VAPA: variants seen among roughly 807,000 people sequenced by gnomAD.
VAPA encodes the protein VAMP associated protein A, also known as vesicle-associated membrane protein-associated protein A.
VAPA carries 6 observed loss-of-function variants against 25.6 expected under a neutral mutation model. That is an observed-to-expected ratio of 0.23 (90% CI 0.13 to 0.46). The LOEUF (loss-of-function observed/expected upper bound fraction) is 0.46. Among genes scored for constraint, VAPA ranks in the 20% least tolerant of loss-of-function variants. The pLI is 0.99. For missense variants in VAPA, 244 were observed against 302.1 expected (o/e 0.81, Z 1.43); for synonymous variants, 112 against 106.2 (o/e 1.05, Z -0.34).
At chr18:9,947,848 T>C (rs987530809) in intron 4 of VAPA, 1 of 152,186 alleles carries the variant, frequency 6.6e-6, no homozygotes, top group African/African-American at 2.4e-5. Flanking sequence ...TGTCACTCCA[T>C]GCATGACTCA....
chr18:9,916,802 A>G (rs1172866239), intron 1 of VAPA, among the ~76,000 whole-genome samples: 2 of 152,222 alleles, frequency 1.3e-5, no homozygotes, highest in Non-Finnish European at 2.9e-5. Flanking sequence ...TTTAGAAGAC[A>G]GTTTTGCAAA....
chr18:9,940,254 G>A (rs1428077752), intron 4 of VAPA, among the ~76,000 whole-genome samples: 1 of 152,086 alleles, frequency 6.6e-6, no homozygotes, highest in Non-Finnish European at 1.5e-5. Context: ...TGCCTGGTAA[G>A]GAGACTTTTT....
At chr18:9,949,623 A>G (rs972434232) in intron 4 of VAPA, 1 of 152,230 alleles carries the variant, frequency 6.6e-6, no homozygotes, top group African/African-American at 2.4e-5. Flanking sequence ...AATTAAAATG[A>G]AAAAAGCTTG....
rs1270589415 is a variant in VAPA, at chr18:9,945,375, T to TTG, written c.418-5019_418-5018insGT. Reference sequence around the variant, plus strand: ...CTTTTTTTTTTTTTTTTTTTTTTTTTTTTGAGATGGAGTCTCGCTCTGTCA... The same window carrying TTG: ...CTTTTTTTTTTTTTTTTTTTTTTTTTTGTTTGAGATGGAGTCTCGCTCTGTCA... On this transcript the variant is annotated intron_variant, in intron 4 of 5. Coordinates refer to ENST00000400000, the MANE Select transcript of VAPA (RefSeq NM_194434.3). Among the ~76,000 whole-genome samples the TTG allele has an allele frequency of 5.7e-5, 8 of 141,394 alleles. No homozygotes were observed. The East Asian group carries it at 1.6e-3, about 28-fold the overall frequency. The allele number at this position is 141,394 out of a possible 152,430, so 92.8% of individuals were successfully genotyped here.
At chr18:9,924,961 A>G (rs1232750634) in intron 1 of VAPA, 1 of 152,130 alleles carries the variant, frequency 6.6e-6, no homozygotes, top group Non-Finnish European at 1.5e-5. Context: ...AGGCTGCCAA[A>G]AGAATGGAAA....
chr18:9,954,069 T>C lies in VAPA; in HGVS notation c.608T>C (p.Leu203Pro), dbSNP rs773854854. 3.7e-6 allele frequency: 6 copies of C among 1,613,848 alleles called. No homozygotes were observed. The highest frequency in any genetic ancestry group is 2.7e-5 in the African/African-American group (2 of 74,906). Residue 203 changes from leucine (L) to proline (P), a missense_variant, in exon 6 of 6, where the codon CTC (leucine) becomes CCC (proline). Leu to Pro is a moderately conservative substitution (Grantham distance 98, BLOSUM62 -3). Around this residue, in one of 2 missense-constraint regions of VAPA, gnomAD observed 145 missense variants for 140.6 expected, o/e 1.03. Coordinates refer to ENST00000400000, the MANE Select transcript of VAPA (RefSeq NM_194434.3). ...TTTTTCTAGGATGAAGGTTTAAGGC[T>C]CAGAAAGGTAGCACATTCGGATAAA... The part of the protein sequence containing the change: ...NRHLRDEGLR[L>P]RKVAHSDKPG...
chr18:9,954,177 T>A lies in VAPA; in HGVS notation c.716T>A (p.Phe239Tyr). 6.2e-7 allele frequency: 1 copy of A among 1,613,920 alleles called. No individual in the cohort carries two copies. Among genetic ancestry groups the A allele is most frequent in the Non-Finnish European group, 8.5e-7 (1 of 1,179,864 alleles). The change falls in exon 6 of 6, where the codon TTC becomes TAC. Residue 239 changes from phenylalanine (F) to tyrosine (Y), a missense_variant. Phe to Tyr is a conservative substitution (Grantham distance 22, BLOSUM62 3). Coordinates refer to ENST00000400000, the MANE Select transcript of VAPA (RefSeq NM_194434.3). ...CTTCTTGTTGTAATTGCAGCCATTT[T>A]CATTGGATTCTTTCTAGGGAAATTC... Reference protein sequence around the residue: ...PSLLVVIAAIFIGFFLGKFIL With the variant: ...PSLLVVIAAIYIGFFLGKFIL
intron 1 of VAPA, among the ~76,000 whole-genome samples, chr18:9,922,760 T>G (rs2069167888): frequency 6.6e-6 from 1 of 152,094 alleles, no homozygotes; most frequent in African/African-American, 2.4e-5. Context: ...GGTCTTTTGA[T>G]CCCAGGAATT....
intron 3 of VAPA, 81 bp from the exon 4 acceptor site, chr18:9,936,905 C>G (rs1381282788): frequency 2.4e-6 from 3 of 1,247,738 alleles, no homozygotes; most frequent in African/African-American, 3.0e-5. Flanking sequence ...CTTCACTCAT[C>G]TTTTAGCTGT....
intron 1 of VAPA, among the ~76,000 whole-genome samples, chr18:9,915,971 A>C (rs959618450): frequency 6.6e-6 from 1 of 151,870 alleles, no homozygotes; most frequent in African/African-American, 2.4e-5. Flanking sequence ...TTTAATGTAA[A>C]TCTGTATGGT....
At chr18:9,914,516 T>G (rs1479414780) in intron 1 of VAPA, 181 bp downstream of exon 1, 3 of 396,472 alleles carry the variant, frequency 7.6e-6, no homozygotes, top group African/African-American at 2.2e-5. Flanking sequence ...TGCCCCTTGC[T>G]CCGGCCCGCT....
chr18:9,932,287 C>T (rs148810717), intron 2 of VAPA, among the ~76,000 whole-genome samples: 52 of 152,242 alleles, frequency 3.4e-4, no homozygotes, highest in African/African-American at 1.2e-3. Context: ...GGTCATTCTC[C>T]TTCAGATCAT....
intron 1 of VAPA, among the ~76,000 whole-genome samples, chr18:9,922,996 A>G (rs2069169893): frequency 6.6e-6 from 1 of 152,194 alleles, no homozygotes; most frequent in African/African-American, 2.4e-5. Flanking sequence ...AATCTGTTAT[A>G]CATATTTCAC....
intron 3 of VAPA, 199 bp from the exon 4 acceptor site, chr18:9,936,787 G>A (rs1219387927): frequency 4.3e-6 from 2 of 465,360 alleles, no homozygotes; most frequent in Non-Finnish European, 7.6e-6. Context: ...GATTTTAATG[G>A]ATGGTGATAG....
Position 9,914,131 on chromosome 18 carries a change from T to A in VAPA, c.-126T>A. 1 of 765,586 alleles carries A rather than the reference T, an allele frequency of 1.3e-6. No homozygotes were observed. Among genetic ancestry groups the A allele is most frequent in the South Asian group, 2.0e-5 (1 of 50,540 alleles). The allele number at this position is 765,586 out of a possible 1,614,324, so 47.4% of individuals were successfully genotyped here. A position where few individuals can be genotyped will look rare whatever the true frequency, so the allele number is the denominator to read the frequency against. ...GAACCGGTGACACAGCGGCAGGCGT[T>A]AGGGCTCGGGAGCCGCGAGCCTGGC... On this transcript the variant is annotated 5_prime_UTR_variant, in exon 1 of 6. Coordinates refer to ENST00000400000, the MANE Select transcript of VAPA (RefSeq NM_194434.3).
chr18:9,920,648 C>T (rs974442457), intron 1 of VAPA, among the ~76,000 whole-genome samples: 1 of 152,134 alleles, frequency 6.6e-6, no homozygotes, highest in African/African-American at 2.4e-5. Flanking sequence ...GCTGGAACTA[C>T]GCTTTGGAAA....
Position 9,914,093 on chromosome 18 carries a change from C to A in VAPA, c.-164C>A. ...GTGGGACCCGGAGCTGCTGACCCAG[C>A]GGGTGGCCCACCGAACCGGTGACAC... On this transcript the variant is annotated 5_prime_UTR_variant, in exon 1 of 6. Transcript: ENST00000400000. 1 of 548,712 alleles carries A rather than the reference C, an allele frequency of 1.8e-6. No individual in the cohort carries two copies. The highest frequency in any genetic ancestry group is 3.2e-6 in the Non-Finnish European group (1 of 317,398). The allele number at this position is 548,712 out of a possible 1,614,324, so 34.0% of individuals were successfully genotyped here.
rs1251847599 is a variant in VAPA, at chr18:9,954,696, G to A, written c.*485G>A. On this transcript the variant is annotated 3_prime_UTR_variant, in exon 6 of 6. Coordinates refer to ENST00000400000, the MANE Select transcript of VAPA (RefSeq NM_194434.3). ...TGTAAATTTTTCCTCCTTTACCTTTGCTAATATCATGGCAGAATTTTTCTT... is the reference window on the plus strand; with the variant it reads ...TGTAAATTTTTCCTCCTTTACCTTTACTAATATCATGGCAGAATTTTTCTT... 1 of 152,788 alleles carries A rather than the reference G, an allele frequency of 6.5e-6. No homozygotes were observed. The highest frequency in any genetic ancestry group is 1.5e-5 in the Non-Finnish European group (1 of 68,302). The allele number at this position is 152,788 out of a possible 1,614,324, so 9.5% of individuals were successfully genotyped here. A position where few individuals can be genotyped will look rare whatever the true frequency, so the allele number is the denominator to read the frequency against.
intron 4 of VAPA, among the ~76,000 whole-genome samples, chr18:9,939,518 CT>C (rs77169950): frequency 0.21 from 28,359 of 132,966 alleles, 3,392 homozygotes; most frequent in African/African-American, 0.4. Context: ...CGTTTCCTCT[CT>C]TTTTTTTTTT....
Sources: allele counts gnomAD v4.1 joint callset (sites outside exome capture counted in the v4.1 genomes callset), GRCh38; gene constraint gnomAD v4.1.1; regional missense constraint gnomAD v4.1.1; transcripts MANE v1.5; gene names NCBI Gene and HGNC (gene_info 2026-07-23, HGNC 2026-07-21).